Variants in GALNT17 observed in about 807,000 individuals in gnomAD.
The protein encoded by GALNT17 is polypeptide N-acetylgalactosaminyltransferase 17, also known as UDP-GalNAc:polypeptide N-acetylgalactosaminyltransferase-like 3.
In GALNT17, 29 loss-of-function variants were observed where a neutral mutation model predicts 63.7. The observed-to-expected ratio is 0.46, with a 90% confidence interval of 0.34 to 0.62. The LOEUF is 0.62. GALNT17 is among the 20% of genes least tolerant of loss of function. GALNT17 has a pLI of 0.01. For synonymous variants in GALNT17, 305 were observed against 318.3 expected, an observed-to-expected ratio of 0.96 and a Z score of 0.45; for missense variants, 603 against 799.6, an observed-to-expected ratio of 0.75 and a Z score of 2.97.
intron 6 of GALNT17, among the ~76,000 whole-genome samples, chr7:71,664,597 A>T (rs1790956532): frequency 6.6e-6 from 1 of 152,150 alleles, no homozygotes; most frequent in Admixed American, 6.6e-5. Flanking sequence ...GGTGATAGAG[A>T]GAGACCCTGT....
chr7:71,162,069 C>A (rs1262642924), intron 1 of GALNT17, among the ~76,000 whole-genome samples: 1 of 124,808 alleles, frequency 8.0e-6, no homozygotes, highest in Non-Finnish European at 1.7e-5. Flanking sequence ...TCCTTCCTTC[C>A]TTCCTTCCTT....
At chr7:71,321,134 A>G (rs901796909) in intron 1 of GALNT17, among the ~76,000 whole-genome samples, 3 of 152,120 alleles carry the variant, frequency 2.0e-5, no homozygotes, top group Admixed American at 2.0e-4. Context: ...ATGCTGACAA[A>G]TTTCTTAGGT....
intron 3 of GALNT17, among the ~76,000 whole-genome samples, chr7:71,413,420 C>T (rs1346673326): frequency 6.6e-6 from 1 of 151,862 alleles, no homozygotes; most frequent in African/African-American, 2.4e-5. Flanking sequence ...GGCTGGAGTG[C>T]AGTGGTGCGA....
intron 5 of GALNT17, among the ~76,000 whole-genome samples, chr7:71,496,440 G>A (rs1315055705): frequency 5.9e-5 from 9 of 152,200 alleles, no homozygotes; most frequent in Non-Finnish European, 7.4e-5. Context: ...TGGACCTCAC[G>A]TATTGGTGAG....
At position 71,688,570 on chromosome 7, in the gene GALNT17, G is replaced by C. The variant is rs531004696; in HGVS notation, c.1500+11264G>C. On this transcript the variant is annotated intron_variant, in intron 9 of 10. Transcript: ENST00000333538. The stretch of plus-strand genomic sequence containing the variant: ...CTGAGAAGTGGCTCTCGTGATCCAC[G>C]TGCAGAGCACAGGAAGGCTTGAGTT... Among the ~76,000 whole-genome samples, 6 of 152,130 alleles carry C rather than the reference G, an allele frequency of 3.9e-5. No homozygotes were observed. The South Asian group carries it at 1.2e-3, about 32-fold the overall frequency.
intron 1 of GALNT17, among the ~76,000 whole-genome samples, chr7:71,247,116 C>G (rs760257202): frequency 6.6e-6 from 1 of 152,094 alleles, no homozygotes; most frequent in African/African-American, 2.4e-5. Flanking sequence ...TTGGTTTGTT[C>G]TTATTTCTCT....
intron 6 of GALNT17, among the ~76,000 whole-genome samples, chr7:71,663,889 GC>G (rs1254206338): frequency 6.6e-6 from 1 of 152,156 alleles, no homozygotes; most frequent in Non-Finnish European, 1.5e-5. Context: ...CAGCTCACCT[GC>G]AAAAACTGTC....
intron 5 of GALNT17, among the ~76,000 whole-genome samples, chr7:71,444,848 G>A (rs1021505436): frequency 1.3e-5 from 2 of 151,992 alleles, no homozygotes; most frequent in Non-Finnish European, 2.9e-5. Flanking sequence ...ACAAACAAAC[G>A]AAATGTTACC....
In GALNT17 at chr7:71,712,299, A is replaced by G; in HGVS notation, c.*153A>G. The stretch of plus-strand genomic sequence containing the variant: ...CTCCAGGGCAGCACAGGGACCCCGG[A>G]TGAAGACTCTGTCCCCCCTCAGGCA... On this transcript the variant is annotated 3_prime_UTR_variant, in exon 11 of 11. Coordinates refer to ENST00000333538, the MANE Select transcript of GALNT17 (RefSeq NM_022479.3). The G allele has an allele frequency of 1.0e-6, 1 of 957,968 alleles. No homozygotes were observed. Among genetic ancestry groups the G allele is most frequent in the South Asian group, 1.8e-5 (1 of 56,386 alleles). The allele number at this position is 957,968 out of a possible 1,614,324, so 59.3% of individuals were successfully genotyped here.
chr7:71,607,735 G>A (rs1478834650), intron 6 of GALNT17, among the ~76,000 whole-genome samples: 1 of 151,932 alleles, frequency 6.6e-6, no homozygotes, highest in African/African-American at 2.4e-5. Context: ...CAAAGAAAAG[G>A]AGAAAAAAAA....
chr7:71,409,360 C>T (rs1040749925), intron 3 of GALNT17, among the ~76,000 whole-genome samples: 1 of 152,090 alleles, frequency 6.6e-6, no homozygotes, highest in African/African-American at 2.4e-5. Flanking sequence ...CAGCAGCTCC[C>T]CATTTGAAGC....
At chr7:71,384,446 A>C (rs75075161) in intron 2 of GALNT17, among the ~76,000 whole-genome samples, 14,782 of 152,180 alleles carry the variant, frequency 0.097, 920 homozygotes, top group Middle Eastern at 0.21. Flanking sequence ...GAGGATGTCA[A>C]GGTGGTGTTC....
At chr7:71,653,249 C>T (rs1313114720) in intron 6 of GALNT17, among the ~76,000 whole-genome samples, 3 of 151,830 alleles carry the variant, frequency 2.0e-5, no homozygotes, top group Admixed American at 2.0e-4. Flanking sequence ...CTCTTGACCT[C>T]GTGATCCACC....
chr7:71,367,504 G>T (rs1471965361), intron 2 of GALNT17, among the ~76,000 whole-genome samples: 2 of 152,134 alleles, frequency 1.3e-5, no homozygotes, highest in African/African-American at 4.8e-5. Flanking sequence ...CATGTTTGTT[G>T]GTGGTTTCCA....
chr7:71,311,339 C>T (rs1791410500), intron 1 of GALNT17, among the ~76,000 whole-genome samples: 1 of 152,300 alleles, frequency 6.6e-6, no homozygotes, highest in African/African-American at 2.4e-5. Context: ...GGCTTAGGCC[C>T]TCTGGCTAAG....
chr7:71,143,663 T>C (rs1787959240), intron 1 of GALNT17, among the ~76,000 whole-genome samples: 1 of 152,072 alleles, frequency 6.6e-6, no homozygotes. Context: ...GGAGCCATTA[T>C]GTGACCAGGT....
intron 1 of GALNT17, among the ~76,000 whole-genome samples, chr7:71,259,631 G>GTTTTTTGT (rs1554345415): frequency 7.7e-6 from 1 of 129,802 alleles, no homozygotes; most frequent in Non-Finnish European, 1.7e-5. Flanking sequence ...GTCCTGTTTT[G>GTTTTTTGT]TTTTTTGTTT....
chr7:71,150,943 C>T (rs1788120852), intron 1 of GALNT17, among the ~76,000 whole-genome samples: 1 of 147,132 alleles, frequency 6.8e-6, no homozygotes, highest in Non-Finnish European at 1.5e-5. Context: ...CACCACTGCA[C>T]TCCAGCCTGG....
intron 6 of GALNT17, among the ~76,000 whole-genome samples, chr7:71,659,979 C>A (rs1345728230): frequency 6.6e-6 from 1 of 152,166 alleles, no homozygotes; most frequent in Non-Finnish European, 1.5e-5. Context: ...GTGTTGTTTT[C>A]CCTCATGGAA....
Sources: gnomAD v4.1 joint callset for allele counts (sites outside exome capture counted in the v4.1 genomes callset) on GRCh38, gnomAD v4.1.1 for gene constraint, MANE v1.5 for transcripts, NCBI Gene and HGNC (gene_info 2026-07-23, HGNC 2026-07-21) for gene names.